The following WDR86 variants were observed in gnomAD, a reference collection of about 807,000 sequenced individuals.
The protein encoded by WDR86 is WD repeat domain 86, also known as WD repeat-containing protein 86.
Under a neutral mutation model 36.5 loss-of-function variants are expected in WDR86, and 30 were observed. The ratio of observed to expected loss-of-function variants is 0.82; its 90% CI spans 0.61 to 1.11. The LOEUF (loss-of-function observed/expected upper bound fraction) is 1.11, where lower values mean the gene tolerates loss of function less well. Among genes scored for constraint, WDR86 ranks in the 50% most tolerant of loss-of-function variants. The probability of loss-of-function intolerance (pLI) is 0.00; values close to 1 mark genes in which losing one functional copy is unlikely to be tolerated. For synonymous variants in WDR86, 255 were observed against 252.9 expected, an observed-to-expected ratio of 1.01 and a Z score of -0.08; for missense variants, 545 against 561.2, an observed-to-expected ratio of 0.97 and a Z score of 0.29.
Position 151,409,938 on chromosome 7 carries a change from G to T in WDR86, c.-349C>A. The stretch of plus-strand genomic sequence containing the variant: ...CAGCTGCGTCTCTGGTGCACAAGGA[G>T]CCCCCCGCCTCCTCTCGCGCCCACG... On this transcript the variant is annotated 5_prime_UTR_variant, in exon 1 of 6. Coordinates refer to ENST00000334493, the MANE Select transcript of WDR86 (RefSeq NM_198285.3). This position sits in a 1 kb window ranked among gnomAD's most constrained non-coding sequence, Gnocchi z 5.2. 1 of 1,055,966 alleles carries T rather than the reference G, an allele frequency of 9.5e-7. No homozygotes were observed. The highest frequency in any genetic ancestry group is 1.1e-6 in the Non-Finnish European group (1 of 876,386). 65.4% of individuals were successfully genotyped at this position (1,055,966 alleles called of 1,614,324 possible). A position where few individuals can be genotyped will look rare whatever the true frequency, so the allele number is the denominator to read the frequency against.
downstream of WDR86, among the ~76,000 whole-genome samples, chr7:151,379,519 G>C (rs1048493131): frequency 1.3e-5 from 2 of 152,176 alleles, no homozygotes; most frequent in African/African-American, 4.8e-5. Context: ...GGCTGGAAGG[G>C]AACCAGGCCT....
the WDR86 span, among the ~76,000 whole-genome samples, chr7:151,369,628 A>T: frequency 6.6e-6 from 1 of 152,246 alleles, no homozygotes; most frequent in Non-Finnish European, 1.5e-5. Context: ...AAGCATCCTT[A>T]TTCTATCCAA....
At chr7:151,374,386 G>A, downstream of WDR86, 1 of 1,125,358 alleles carries the variant, frequency 8.9e-7, no homozygotes, top group Admixed American at 2.0e-5. Flanking sequence ...GTTTCTCCTG[G>A]GCTCCAGCCC....
At position 151,405,833 on chromosome 7, in the gene WDR86, A is replaced by T. The variant is rs2150870950; in HGVS notation, c.163+3594T>A. 6.6e-6 allele frequency among the ~76,000 whole-genome samples: 1 copy of T among 152,324 alleles called. No homozygotes were observed. The highest frequency in any genetic ancestry group is 2.1e-4 in the South Asian group (1 of 4,830). ...ATGGGAATGTGGGGTTGTACCCAGG[A>T]AATTAACAACAATCCCCGCCCCCTC... On this transcript the variant is annotated intron_variant, in intron 1 of 5. Coordinates refer to ENST00000334493, the MANE Select transcript of WDR86 (RefSeq NM_198285.3). The surrounding 1 kb of genome is among the most constrained non-coding windows in gnomAD (Gnocchi z 4.7).
intron 4 of WDR86, among the ~76,000 whole-genome samples, chr7:151,383,537 G>C (rs1362558165): frequency 1.3e-5 from 2 of 151,566 alleles, no homozygotes; most frequent in Admixed American, 6.6e-5. Context: ...GGCTGGTCTT[G>C]AACTACTGAG....
chr7:151,409,572 C>T lies in WDR86; in HGVS notation c.18G>A (p.Ser6=), dbSNP rs760781098. The T allele has an allele frequency of 1.4e-6, 2 of 1,413,696 alleles. No individual in the cohort carries two copies. The highest frequency in any genetic ancestry group is 3.0e-5 in the South Asian group (2 of 65,888). 87.6% of individuals were successfully genotyped at this position (1,413,696 alleles called of 1,614,324 possible). A position where few individuals can be genotyped will look rare whatever the true frequency, so the allele number is the denominator to read the frequency against. The change falls in exon 1 of 6, where the codon TCG becomes TCA. Residue 6 remains serine (S), a synonymous_variant. Transcript: ENST00000334493. This position sits in a 1 kb window ranked among gnomAD's most constrained non-coding sequence, Gnocchi z 5.2. ...GGTGGTCGGCGCAGACCCTCAGGGC[C>T]GACCCGCCGCCCCCCATCCCGCTGG... MGGGG[S]ALRVCADHRG... is the part of the protein sequence containing the mutation.
chr7:151,382,129 C>T (rs1798639996), intron 4 of WDR86, 148 bp from the exon 5 acceptor site: 1 of 680,100 alleles, frequency 1.5e-6, no homozygotes, highest in Non-Finnish European at 2.5e-6. Context: ...GACAGTGCCC[C>T]TCCAGAGAAA....
rs1294105498 is a variant in WDR86 at position 151,381,658 on chromosome 7, G to A, written c.1055C>T (p.Pro352Leu). The A allele has an allele frequency of 1.4e-6, 2 of 1,401,286 alleles. No individual in the cohort carries two copies. Among genetic ancestry groups the A allele is most frequent in the East Asian group, 6.0e-5 (2 of 33,594 alleles). 86.8% of individuals were successfully genotyped at this position (1,401,286 alleles called of 1,614,324 possible). A position where few individuals can be genotyped will look rare whatever the true frequency, so the allele number is the denominator to read the frequency against. ...CCGCGAGAGGCTGCGCATGGGCGGAGGGGGCCGCGGGGCACCTCGGAGCCC... is the reference window on the plus strand; with the variant it reads ...CCGCGAGAGGCTGCGCATGGGCGGAAGGGGCCGCGGGGCACCTCGGAGCCC... ...VRGLRGAPRP[P>L]PPMRSLSRLF... Residue 352 changes from proline to leucine, a missense_variant, in exon 6 of 6, where the codon CCT becomes CTT. Transcript: ENST00000334493. The surrounding 1 kb of genome is among the most constrained non-coding windows in gnomAD (Gnocchi z 4.8).
At chr7:151,392,319 TCA>T (rs2150790187) in intron 3 of WDR86, among the ~76,000 whole-genome samples, 1 of 146,656 alleles carries the variant, frequency 6.8e-6, no homozygotes, top group South Asian at 2.2e-4. Flanking sequence ...CCCCAGCCTC[TCA>T]GACACTTGGA....
intron 2 of WDR86, among the ~76,000 whole-genome samples, chr7:151,398,861 C>T (rs1053061044): frequency 1.3e-5 from 2 of 152,184 alleles, no homozygotes; most frequent in African/African-American, 2.4e-5. Flanking sequence ...TGCAGGCAGG[C>T]CTTCTCCCCG....
rs112396535 is a variant in WDR86 at position 151,396,016 on chromosome 7, G to A, written c.486C>T (p.Ala162=). ...PSTPCAEEAA[A]GGLLVTGSTD... ...TGCTGCCGGTCACCAGAAGCCCCCCGGCCGCGGCCTCCTCCGCGCAGGGAG... is the reference window on the plus strand; with the variant it reads ...TGCTGCCGGTCACCAGAAGCCCCCCAGCCGCGGCCTCCTCCGCGCAGGGAG... The change falls in exon 3 of 6, where the codon GCC becomes GCT. Residue 162 remains alanine (A), a synonymous_variant. Transcript: ENST00000334493. 468 of 1,604,090 alleles carry A rather than the reference G, an allele frequency of 2.9e-4. 3 individuals are homozygous for A. The East Asian group carries it at 9.1e-3, about 31-fold the overall frequency.
Position 151,390,889 on chromosome 7 carries a change from G to A in WDR86, c.726+4887C>T, listed in dbSNP as rs1799386504. 1.3e-5 allele frequency among the ~76,000 whole-genome samples: 2 copies of A among 152,266 alleles called. No individual in the cohort carries two copies. Among genetic ancestry groups the A allele is most frequent in the Non-Finnish European group, 2.9e-5 (2 of 68,046 alleles). On this transcript the variant is annotated intron_variant, in intron 3 of 5. Transcript: ENST00000334493. This position sits in a 1 kb window ranked among gnomAD's most constrained non-coding sequence, Gnocchi z 4.5. ...GGGCGGGTGCCCGGGGCATGGAAGAGCAGCGGGGAGTCAGTGTTTAATGGG... is the reference window on the plus strand; with the variant it reads ...GGGCGGGTGCCCGGGGCATGGAAGAACAGCGGGGAGTCAGTGTTTAATGGG...
intron 2 of WDR86, among the ~76,000 whole-genome samples, chr7:151,399,436 C>A (rs530571845): frequency 6.6e-6 from 1 of 152,320 alleles, no homozygotes; most frequent in East Asian, 1.9e-4. Context: ...TTGGGTCACC[C>A]TCCAGGCAGC....
chr7:151,381,515 G>T lies in WDR86; in HGVS notation c.*67C>A. 1.4e-6 allele frequency: 2 copies of T among 1,439,314 alleles called. No individual in the cohort carries two copies. Among genetic ancestry groups the T allele is most frequent in the Non-Finnish European group, 1.8e-6 (2 of 1,106,750 alleles). The allele number at this position is 1,439,314 out of a possible 1,614,324, so 89.2% of individuals were successfully genotyped here. A position where few individuals can be genotyped will look rare whatever the true frequency, so the allele number is the denominator to read the frequency against. On this transcript the variant is annotated 3_prime_UTR_variant, in exon 6 of 6. Coordinates refer to ENST00000334493, the MANE Select transcript of WDR86 (RefSeq NM_198285.3). This position sits in a 1 kb window ranked among gnomAD's most constrained non-coding sequence, Gnocchi z 4.8. ...CGGCCATCGGGCGCCACCACCGCGG[G>T]TAGCAGGGCGGGGCGCTCTGGGAGC...
intron 3 of WDR86, among the ~76,000 whole-genome samples, chr7:151,393,264 T>C (rs1017768487): frequency 6.6e-6 from 1 of 152,188 alleles, no homozygotes; most frequent in African/African-American, 2.4e-5. Flanking sequence ...GTATCATGCA[T>C]GTGCATGTGG....
intron 3 of WDR86, among the ~76,000 whole-genome samples, chr7:151,391,829 C>T (rs1460959978): frequency 1.3e-5 from 2 of 150,132 alleles, no homozygotes; most frequent in African/African-American, 2.4e-5. Flanking sequence ...TACAGGGGTG[C>T]GCCTCCTCCC....
In WDR86 at chr7:151,381,377, C is replaced by T. The variant is rs934933579; in HGVS notation, c.*205G>A. 2.8e-6 allele frequency: 4 copies of T among 1,443,090 alleles called. No homozygotes were observed. The highest frequency in any genetic ancestry group is 6.0e-5 in the Admixed American group (2 of 33,408). 89.4% of individuals were successfully genotyped at this position (1,443,090 alleles called of 1,614,324 possible). A position where few individuals can be genotyped will look rare whatever the true frequency, so the allele number is the denominator to read the frequency against. On this transcript the variant is annotated 3_prime_UTR_variant, in exon 6 of 6. Coordinates refer to ENST00000334493, the MANE Select transcript of WDR86 (RefSeq NM_198285.3). The surrounding 1 kb of genome is among the most constrained non-coding windows in gnomAD (Gnocchi z 4.8). ...AGCCACCCTAAAAGGGAAAAGGGGG[C>T]GGTCCCCAGGGCGAGCACTCCCGCT... is the stretch of plus-strand genomic sequence containing the variant.
rs1451449014 is a variant in WDR86 at position 151,388,722 on chromosome 7, G to C, written c.727-3499C>G. Among the ~76,000 whole-genome samples the C allele has an allele frequency of 2.0e-5, 3 of 152,322 alleles. No homozygotes were observed. Among genetic ancestry groups the C allele is most frequent in the East Asian group, 1.9e-4 (1 of 5,186 alleles). On this transcript the variant is annotated intron_variant, in intron 3 of 5. Transcript: ENST00000334493. The surrounding 1 kb of genome is among the most constrained non-coding windows in gnomAD (Gnocchi z 4.2). Reference sequence around the variant, plus strand: ...TCTGCTTTTGGCCAACTTGGAGCAGGCTGCAGGCTTCAGGGAAGCAGGGAG... The same window carrying C: ...TCTGCTTTTGGCCAACTTGGAGCAGCCTGCAGGCTTCAGGGAAGCAGGGAG...
chr7:151,381,400 G>C lies in WDR86; in HGVS notation c.*182C>G. The C allele has an allele frequency of 6.8e-7, 1 of 1,476,040 alleles. No individual in the cohort carries two copies. The highest frequency in any genetic ancestry group is 1.5e-5 in the African/African-American group (1 of 67,922). 91.4% of individuals were successfully genotyped at this position (1,476,040 alleles called of 1,614,324 possible). On this transcript the variant is annotated 3_prime_UTR_variant, in exon 6 of 6. Transcript: ENST00000334493. The surrounding 1 kb of genome is among the most constrained non-coding windows in gnomAD (Gnocchi z 4.8). ...GGCGGTCCCCAGGGCGAGCACTCCC[G>C]CTCCCAGCGCCTCCTGGCCACCAAA...
Sources: allele counts gnomAD v4.1 joint callset (sites outside exome capture counted in the v4.1 genomes callset), GRCh38; gene constraint gnomAD v4.1.1; non-coding constraint Gnocchi (gnomAD v3.1); transcripts MANE v1.5; gene names NCBI Gene and HGNC (gene_info 2026-07-23, HGNC 2026-07-21).